Variants in TSTD1 observed in about 807,000 individuals in gnomAD.
The protein encoded by TSTD1 is thiosulfate:glutathione sulfurtransferase.
In TSTD1, 7 loss-of-function variants were observed where a neutral mutation model predicts 12.6. The observed-to-expected ratio is 0.55, with a 90% CI of 0.32 to 1.04. The LOEUF (loss-of-function observed/expected upper bound fraction) is 1.04. Ranked by LOEUF, TSTD1 falls within the 50% of genes least tolerant of loss-of-function variation. The pLI is 0.05. For missense variants in TSTD1, 156 were observed against 151.0 expected, an observed-to-expected ratio of 1.03 and a Z score of -0.17; for synonymous variants, 73 against 59.7, an observed-to-expected ratio of 1.22 and a Z score of -1.03.
Position 161,038,552 on chromosome 1 carries a change from C to G in TSTD1, c.132G>C (p.Pro44=), listed in dbSNP as rs371114260. The change falls in exon 2 of 4, where the codon CCG becomes CCC. Residue 44 remains proline (P), a splice_region_variant and synonymous_variant. Transcript: ENST00000423014. ...GGGCGTCCCCTCTCCACCCTATACC[C>G]GGGATGTTGAGCGCCCCTGGGATGG... The part of the protein sequence containing the change: ...AGTIPGALNI[P]VSELESALQM... The G allele has an allele frequency of 1.2e-5, 19 of 1,540,942 alleles. No individual in the cohort carries two copies. The highest frequency in any genetic ancestry group is 1.7e-5 in the Non-Finnish European group (19 of 1,138,698).
intron 1 of TSTD1, 66 bp from the exon 2 acceptor site, chr1:161,038,739 C>A: frequency 6.6e-7 from 1 of 1,522,634 alleles, no homozygotes. Flanking sequence ...CATGGCATCC[C>A]CTCACCTGGC....
intron 2 of TSTD1, 144 bp downstream of exon 2, chr1:161,038,407 C>G (rs924629787): frequency 5.8e-6 from 6 of 1,031,388 alleles, no homozygotes; most frequent in Admixed American, 5.9e-5. Flanking sequence ...GTCCTTCCTA[C>G]GGAAGCTGAG....
Position 161,038,912 on chromosome 1 carries a change from C to G in TSTD1, c.-23G>C, listed in dbSNP as rs12081741. The G allele has an allele frequency of 1.3e-6, 2 of 1,550,658 alleles. No individual in the cohort carries two copies. The highest frequency in any genetic ancestry group is 2.7e-5 in the African/African-American group (2 of 73,030). On this transcript the variant is annotated 5_prime_UTR_variant, in exon 1 of 4. Coordinates refer to ENST00000423014, the MANE Select transcript of TSTD1 (RefSeq NM_001113207.2). ...CATGGTGCGCGTAGCAACCGCGAGT[C>G]TCCGGAGTGCGGCCCTGGCCCGCCC...
rs1244246680 is a variant in TSTD1 at position 161,038,681 on chromosome 1, AG to A, written c.11-9del. 6.5e-7 allele frequency: 1 copy of A among 1,542,622 alleles called. No individual in the cohort carries two copies. Among genetic ancestry groups the A allele is most frequent in the African/African-American group, 1.4e-5 (1 of 72,982 alleles). The stretch of plus-strand genomic sequence containing the variant: ...GAAGCGAGACCGTGGGCGCTGAGGA[AG>A]GGGCGCGACAGCCTTCAGGAAGAGG... On this transcript the variant is annotated splice_polypyrimidine_tract_variant and intron_variant, in intron 1 of 3. Transcript: ENST00000423014.
Position 161,037,982 on chromosome 1 carries a change from A to T in TSTD1, c.227T>A (p.Val76Asp). Residue 76 changes from valine to aspartate, a missense_variant, in exon 3 of 4, where the codon GTT (valine) becomes GAT (aspartate). Transcript: ENST00000423014. ...EKPKLEDEHL[V>D]FFCQMGKRGL... ...CCGCTTGCCCATCTGACAGAAGAAA[A>T]CGAGATGCTCATCTTCCAGCTTTGG... is the stretch of plus-strand genomic sequence containing the variant. The T allele has an allele frequency of 1.9e-6, 3 of 1,551,748 alleles. No homozygotes were observed. Among genetic ancestry groups the T allele is most frequent in the Non-Finnish European group, 2.6e-6 (3 of 1,146,996 alleles).
chr1:161,038,406 AC>A (rs1339010746), intron 2 of TSTD1, 144 bp downstream of exon 2: 1 of 1,015,130 alleles, frequency 9.9e-7, no homozygotes, highest in African/African-American at 1.6e-5. Flanking sequence ...AGTCCTTCCT[AC>A]GGAAGCTGAG....
Position 161,038,963 on chromosome 1 carries a change from T to C in TSTD1, c.-74A>G, listed in dbSNP as rs528795358. 3.0e-4 allele frequency: 458 copies of C among 1,545,828 alleles called. 1 individual carries two copies. The African/African-American group carries it at 5.8e-3, about 19-fold the overall frequency. On this transcript the variant is annotated 5_prime_UTR_variant, in exon 1 of 4. Transcript: ENST00000423014. ...TCTCGGCGCCTGCAACATCTCCCGT[T>C]CCCTCCCAGAGCTGAGACCGGATCC... is the stretch of plus-strand genomic sequence containing the variant.
At position 161,037,696 on chromosome 1, in the gene TSTD1, C is replaced by T; in HGVS notation, c.*79G>A. On this transcript the variant is annotated 3_prime_UTR_variant, in exon 4 of 4. Coordinates refer to ENST00000423014, the MANE Select transcript of TSTD1 (RefSeq NM_001113207.2). The stretch of plus-strand genomic sequence containing the variant: ...ACACTATAAGGAGTTGCCCAATTCA[C>T]CAAGTCAGCCCGTTCACACCCTTAG... 6.7e-7 allele frequency: 1 copy of T among 1,484,016 alleles called. No homozygotes were observed. The allele number at this position is 1,484,016 out of a possible 1,614,324, so 91.9% of individuals were successfully genotyped here.
At chr1:161,038,145 AGGGCTGGGTCCTGG>A (rs989961242) in intron 2 of TSTD1, 70 bp from the exon 3 acceptor site, 13 of 1,497,736 alleles carry the variant, frequency 8.7e-6, no homozygotes, top group Non-Finnish European at 1.2e-5. Context: ...TGGGCCTGGA[AGGGCTGGGTCCTGG>A]GGGCCCCCAA....
Position 161,038,629 on chromosome 1 carries a change from C to T in TSTD1, c.55G>A (p.Gly19Arg). The change falls in exon 2 of 4, where the codon GGA becomes AGA. Residue 19 changes from glycine (G) to arginine (R), a missense_variant. By Grantham distance (125) the Gly-to-Arg change is moderately radical. Transcript: ENST00000423014. ...LPELRSLLASGRARLFDVRSR... is the reference protein window; with the variant it reads ...LPELRSLLASRRARLFDVRSR... ...CGCACGTCGAAGAGCCGGGCCCGTC[C>T]GGAGGCTAGGAGTGAACGGAGTTCA... 1 of 1,550,848 alleles carries T rather than the reference C, an allele frequency of 6.4e-7. No homozygotes were observed. The highest frequency in any genetic ancestry group is 8.7e-7 in the Non-Finnish European group (1 of 1,146,350).
At chr1:161,038,187 T>TC in intron 2 of TSTD1, 112 bp from the exon 3 acceptor site, 1 of 1,003,592 alleles carries the variant, frequency 1.0e-6, no homozygotes, top group Non-Finnish European at 1.4e-6. Flanking sequence ...ATGATAACCA[T>TC]CCCCTACCCC....
At chr1:161,038,266 C>A in intron 2 of TSTD1, 191 bp from the exon 3 acceptor site, 1 of 706,476 alleles carries the variant, frequency 1.4e-6, no homozygotes, top group Non-Finnish European at 2.3e-6. Flanking sequence ...TGTGAGGAGG[C>A]GGGGCGGGAT....
At position 161,038,553 on chromosome 1, in the gene TSTD1, G is replaced by A. The variant is rs367666470; in HGVS notation, c.131C>T (p.Pro44Leu). ...AGTIPGALNI[P>L]VSELESALQM... Reference sequence around the variant, plus strand: ...GGCGTCCCCTCTCCACCCTATACCCGGGATGTTGAGCGCCCCTGGGATGGT... The same window carrying A: ...GGCGTCCCCTCTCCACCCTATACCCAGGATGTTGAGCGCCCCTGGGATGGT... The change falls in exon 2 of 4, where the codon CCG (proline) becomes CTG (leucine). Residue 44 changes from proline to leucine, a missense_variant and splice_region_variant. Pro to Leu is a moderately conservative substitution (Grantham distance 98). Coordinates refer to ENST00000423014, the MANE Select transcript of TSTD1 (RefSeq NM_001113207.2). 1.0e-4 allele frequency: 156 copies of A among 1,540,836 alleles called. No homozygotes were observed. The African/African-American group carries it at 1.2e-3, about 12-fold the overall frequency.
rs1650332544 is a variant in TSTD1 at position 161,038,587 on chromosome 1, C to A, written c.97G>T (p.Ala33Ser). 2.6e-6 allele frequency: 4 copies of A among 1,550,004 alleles called. No homozygotes were observed. The African/African-American group carries it at 5.5e-5, about 21-fold the overall frequency. The part of the protein sequence containing the change: ...LFDVRSREEA[A>S]AGTIPGALNI... Reference sequence around the variant, plus strand: ...AGCGCCCCTGGGATGGTCCCAGCTGCCGCCTCCTCGCGAGAGCGCACGTCG... The same window carrying A: ...AGCGCCCCTGGGATGGTCCCAGCTGACGCCTCCTCGCGAGAGCGCACGTCG... The change falls in exon 2 of 4, where the codon GCA becomes TCA. Residue 33 changes from alanine to serine, a missense_variant. Coordinates refer to ENST00000423014, the MANE Select transcript of TSTD1 (RefSeq NM_001113207.2).
At chr1:161,038,732 G>A (rs762331695) in intron 1 of TSTD1, 59 bp from the exon 2 acceptor site, 3 of 1,523,884 alleles carry the variant, frequency 2.0e-6, no homozygotes, top group Non-Finnish European at 2.7e-6. Flanking sequence ...CGGCCGCCAT[G>A]GCATCCCCTC....
intron 2 of TSTD1, 113 bp downstream of exon 2, chr1:161,038,438 G>C (rs1008721752): frequency 1.6e-6 from 2 of 1,275,158 alleles, no homozygotes; most frequent in Non-Finnish European, 2.1e-6. Flanking sequence ...CGGGAATGCA[G>C]GACCCCCATA....
chr1:161,038,060 C>T lies in TSTD1; in HGVS notation c.149G>A (p.Ser50Asn). 1.3e-6 allele frequency: 2 copies of T among 1,551,588 alleles called. No homozygotes were observed. The highest frequency in any genetic ancestry group is 1.7e-6 in the Non-Finnish European group (2 of 1,147,008). Reference sequence around the variant, plus strand: ...GGCAGCTGGCTCCATCTGCAGAGCACTCTCCAACTCGGACACTGGAGGAGT... The same window carrying T: ...GGCAGCTGGCTCCATCTGCAGAGCATTCTCCAACTCGGACACTGGAGGAGT... The part of the protein sequence containing the change: ...ALNIPVSELE[S>N]ALQMEPAAFQ... The change falls in exon 3 of 4, where the codon AGT becomes AAT. Residue 50 changes from serine to asparagine, a missense_variant. Ser to Asn is a conservative substitution (Grantham distance 46). Coordinates refer to ENST00000423014, the MANE Select transcript of TSTD1 (RefSeq NM_001113207.2).
At position 161,038,875 on chromosome 1, in the gene TSTD1, G is replaced by A; in HGVS notation, c.10+5C>T. 1 of 1,550,286 alleles carries A rather than the reference G, an allele frequency of 6.5e-7. No homozygotes were observed. Among genetic ancestry groups the A allele is most frequent in the South Asian group, 1.2e-5 (1 of 83,994 alleles). ...ACCGCGGCCCCAGGAATCCCCCGCA[G>A]GTACCTCCAGCCATGGTGCGCGTAG... On this transcript the variant is annotated splice_donor_5th_base_variant and intron_variant, in intron 1 of 3. Coordinates refer to ENST00000423014, the MANE Select transcript of TSTD1 (RefSeq NM_001113207.2).
In TSTD1 at chr1:161,037,976, A is replaced by T; in HGVS notation, c.233T>A (p.Phe78Tyr). Residue 78 changes from phenylalanine to tyrosine, a missense_variant, in exon 3 of 4, where the codon TTC becomes TAC. Coordinates refer to ENST00000423014, the MANE Select transcript of TSTD1 (RefSeq NM_001113207.2). The part of the protein sequence containing the change: ...PKLEDEHLVF[F>Y]CQMGKRGLQA... ...GAGGCCCCGCTTGCCCATCTGACAG[A>T]AGAAAACGAGATGCTCATCTTCCAG... 4 of 1,551,782 alleles carry T rather than the reference A, an allele frequency of 2.6e-6. No individual in the cohort carries two copies. The highest frequency in any genetic ancestry group is 3.5e-6 in the Non-Finnish European group (4 of 1,147,006).
Sources: allele counts gnomAD v4.1 joint callset, GRCh38; gene constraint gnomAD v4.1.1; transcripts MANE v1.5; gene names NCBI Gene and HGNC (gene_info 2026-07-23, HGNC 2026-07-21).